Variants in WDR7 observed in about 807,000 individuals in gnomAD.
WDR7 encodes the protein WD repeat domain 7.
WDR7 carries 46 observed loss-of-function variants against 169.4 expected under a neutral mutation model. That is an observed-to-expected ratio of 0.27 (90% CI 0.21 to 0.35). WDR7 has a LOEUF of 0.35. WDR7 is among the 10% of genes least tolerant of loss of function. WDR7 has a pLI of 1.00. For synonymous variants in WDR7, 612 were observed against 666.8 expected (o/e 0.92, Z 1.27); for missense variants, 1,534 against 1,859.3 (o/e 0.83, Z 3.22).
At chr18:56,759,066 A>G in intron 16 of WDR7, 113 bp downstream of exon 16, 1 of 759,282 alleles carries the variant, frequency 1.3e-6, no homozygotes, top group East Asian at 3.0e-5. Context: ...TAAAAGAGAG[A>G]AAAGTTGTTA....
downstream of WDR7, chr18:57,032,806 TATATATATATATATA>T (rs2048448820): frequency 8.9e-4 from 13 of 14,538 alleles, no homozygotes; most frequent in African/African-American, 2.2e-3. Flanking sequence ...TTATTTTATA[TATATATATATATATA>T]TATATATATA....
chr18:56,912,953 C>T (rs1348178594), intron 21 of WDR7, among the ~76,000 whole-genome samples: 1 of 151,786 alleles, frequency 6.6e-6, no homozygotes, highest in Non-Finnish European at 1.5e-5. Context: ...TAGCTCACTG[C>T]AGCCTTTACC....
chr18:56,897,152 A>C (rs1482552823), intron 21 of WDR7, among the ~76,000 whole-genome samples: 1 of 151,940 alleles, frequency 6.6e-6, no homozygotes, highest in Non-Finnish European at 1.5e-5. Context: ...GTCCAACATT[A>C]TCAAGTTTTG....
At chr18:56,784,774 G>GT (rs1352999230) in intron 19 of WDR7, among the ~76,000 whole-genome samples, 1 of 152,148 alleles carries the variant, frequency 6.6e-6, no homozygotes, top group African/African-American at 2.4e-5. Flanking sequence ...AAACCTTTCT[G>GT]TTTATGTATT....
Position 56,672,539 on chromosome 18 carries a change from A to G in WDR7, c.24A>G (p.Leu8=), listed in dbSNP as rs767675780. 3.1e-6 allele frequency: 5 copies of G among 1,604,114 alleles called. No individual in the cohort carries two copies. The South Asian group carries it at 5.6e-5, about 18-fold the overall frequency. The change falls in exon 2 of 28, where the codon CTA becomes CTG. Residue 8 remains leucine, a synonymous_variant. Transcript: ENST00000254442. Reference sequence around the variant, plus strand: ...CAATGGCAGGAAACAGCCTTGTTCTACCCATTGTTCTTTGGGGTCGAAAAG... The same window carrying G: ...CAATGGCAGGAAACAGCCTTGTTCTGCCCATTGTTCTTTGGGGTCGAAAAG... The part of the protein sequence containing the change: MAGNSLV[L]PIVLWGRKAP...
chr18:56,678,483 G>GCCCCAA (rs55953259), intron 2 of WDR7, among the ~76,000 whole-genome samples: 333 of 152,122 alleles, frequency 2.2e-3, no homozygotes, highest in African/African-American at 7.4e-3. Context: ...CTTTAGGGGA[G>GCCCCAA]ACCCAGTAAC....
chr18:56,673,283 C>G (rs956254475), intron 2 of WDR7, among the ~76,000 whole-genome samples: 13 of 151,998 alleles, frequency 8.6e-5, no homozygotes, highest in Admixed American at 6.6e-5. Flanking sequence ...ACAACTCTTT[C>G]CAGGAATTTG....
intron 20 of WDR7, among the ~76,000 whole-genome samples, chr18:56,820,814 G>A (rs1337566717): frequency 1.3e-5 from 2 of 151,862 alleles, no homozygotes; most frequent in African/African-American, 4.8e-5. Context: ...TTTTTTTGTA[G>A]GTATGATCTT....
intron 21 of WDR7, among the ~76,000 whole-genome samples, chr18:56,892,044 C>T (rs1433034286): frequency 1.3e-5 from 2 of 152,010 alleles, no homozygotes; most frequent in Non-Finnish European, 2.9e-5. Context: ...ATTATAGACC[C>T]TGCCTGTCTT....
In WDR7 at chr18:56,696,238, A is replaced by C. The variant is rs777010607; in HGVS notation, c.1358-4A>C. ...CCATTTTAAATCCAAACCCTCATTCACAGGTTGGCCACCTCACAGAACACT... is the reference window on the plus strand; with the variant it reads ...CCATTTTAAATCCAAACCCTCATTCCCAGGTTGGCCACCTCACAGAACACT... On this transcript the variant is annotated splice_region_variant and splice_polypyrimidine_tract_variant and intron_variant, in intron 11 of 27. Coordinates refer to ENST00000254442, the MANE Select transcript of WDR7 (RefSeq NM_015285.3). 6.3e-7 allele frequency: 1 copy of C among 1,596,112 alleles called. No homozygotes were observed. Among genetic ancestry groups the C allele is most frequent in the African/African-American group, 1.3e-5 (1 of 74,454 alleles).
At chr18:56,916,977 C>A (rs1450260832) in intron 21 of WDR7, among the ~76,000 whole-genome samples, 2 of 152,136 alleles carry the variant, frequency 1.3e-5, no homozygotes, top group Non-Finnish European at 2.9e-5. Flanking sequence ...GCAGGCGGAT[C>A]ATGAGGTTAG....
chr18:56,682,133 C>T (rs563664765), intron 4 of WDR7, among the ~76,000 whole-genome samples: 5 of 152,276 alleles, frequency 3.3e-5, no homozygotes, highest in South Asian at 4.1e-4. Context: ...CCTCCTGACA[C>T]CCTTACATAT....
intron 20 of WDR7, among the ~76,000 whole-genome samples, chr18:56,828,966 C>G (rs945833831): frequency 6.6e-6 from 1 of 151,704 alleles, no homozygotes; most frequent in Non-Finnish European, 1.5e-5. Flanking sequence ...CCTGTCTTGC[C>G]CCTTGATACT....
intron 21 of WDR7, among the ~76,000 whole-genome samples, chr18:56,899,237 T>C (rs1599140437): frequency 6.6e-6 from 1 of 151,996 alleles, no homozygotes; most frequent in East Asian, 1.9e-4. Flanking sequence ...GCATATATCA[T>C]TGTGTTATTA....
At chr18:56,893,939 A>G (rs918759232) in intron 21 of WDR7, among the ~76,000 whole-genome samples, 2 of 152,098 alleles carry the variant, frequency 1.3e-5, no homozygotes, top group Admixed American at 6.6e-5. Flanking sequence ...CAAAAACTCA[A>G]TAATAGTCAA....
At chr18:56,700,782 G>T (rs558679035) in intron 12 of WDR7, among the ~76,000 whole-genome samples, 3 of 151,250 alleles carry the variant, frequency 2.0e-5, no homozygotes, top group African/African-American at 7.3e-5. Flanking sequence ...TGTTAGCCAG[G>T]ATGGTCTCGA....
At chr18:56,972,021 C>G (rs2047495856) in intron 26 of WDR7, among the ~76,000 whole-genome samples, 2 of 152,108 alleles carry the variant, frequency 1.3e-5, no homozygotes, top group African/African-American at 4.8e-5. Flanking sequence ...TGAATGCTGA[C>G]ATTTTCTGTT....
chr18:56,817,987 C>T (rs1281415319), intron 20 of WDR7, among the ~76,000 whole-genome samples: 1 of 152,164 alleles, frequency 6.6e-6, no homozygotes, highest in African/African-American at 2.4e-5. Context: ...TTGTGATCCA[C>T]CTGCCTCGGT....
chr18:57,030,808 A>G (rs570684046), downstream of WDR7: 3 of 152,284 alleles, frequency 2.0e-5, no homozygotes, highest in East Asian at 5.8e-4. Flanking sequence ...GTCAATACAT[A>G]CAAATACCAA....
Sources: gnomAD v4.1 joint callset for allele counts (sites outside exome capture counted in the v4.1 genomes callset) on GRCh38, gnomAD v4.1.1 for gene constraint, MANE v1.5 for transcripts, NCBI Gene and HGNC (gene_info 2026-07-23, HGNC 2026-07-21) for gene names.